The following MLLT10 variants were observed in gnomAD, a reference collection of about 807,000 sequenced individuals.
MLLT10 encodes MLLT10 histone lysine methyltransferase DOT1L cofactor.
In MLLT10, 30 loss-of-function variants were observed where a neutral mutation model predicts 129.1. The observed-to-expected ratio is 0.23, with a 90% CI of 0.17 to 0.32. MLLT10 has a LOEUF of 0.32. Among genes scored for constraint, MLLT10 ranks in the 10% least tolerant of loss-of-function variants. The probability of loss-of-function intolerance (pLI) is 1.00; values close to 1 mark genes in which losing one functional copy is unlikely to be tolerated. For synonymous variants in MLLT10, 490 were observed against 446.4 expected (o/e 1.10, Z -1.23); for missense variants, 1,119 against 1,268.3 (o/e 0.88, Z 1.79).
intron 8 of MLLT10, among the ~76,000 whole-genome samples, chr10:21,626,747 CTT>C (rs151070227): frequency 0.02 from 2,977 of 152,266 alleles, 53 homozygotes; most frequent in Admixed American, 0.055. Flanking sequence ...TTCTCTTTGT[CTT>C]TGTAAAAGTT....
intron 8 of MLLT10, among the ~76,000 whole-genome samples, chr10:21,651,055 T>C (rs2048979379): frequency 6.8e-6 from 1 of 147,188 alleles, no homozygotes; most frequent in South Asian, 2.2e-4. Flanking sequence ...TTGTTTTGTT[T>C]TGTTTTGTTT....
At chr10:21,702,262 A>G (rs1190694699) in intron 13 of MLLT10, among the ~76,000 whole-genome samples, 1 of 152,086 alleles carries the variant, frequency 6.6e-6, no homozygotes, top group East Asian at 1.9e-4. Flanking sequence ...TAGTTTCCTA[A>G]GTTCCTCTTT....
chr10:21,534,471 T>G lies in MLLT10; in HGVS notation c.-50T>G. ...GAGGTGGGGGGAATCAGCAAGGACATGGCTCCTGACTCCTGTGCGGAACGT... is the reference window on the plus strand; with the variant it reads ...GAGGTGGGGGGAATCAGCAAGGACAGGGCTCCTGACTCCTGTGCGGAACGT... On this transcript the variant is annotated 5_prime_UTR_variant, in exon 1 of 23. An upstream start codon of the reference 5' UTR is lost. Coordinates refer to ENST00000307729, the MANE Select transcript of MLLT10 (RefSeq NM_001195626.3). 1.8e-6 allele frequency: 1 copy of G among 556,492 alleles called. No homozygotes were observed. The highest frequency in any genetic ancestry group is 3.5e-5 in the East Asian group (1 of 28,684). The allele number at this position is 556,492 out of a possible 1,614,324, so 34.5% of individuals were successfully genotyped here.
intron 9 of MLLT10, among the ~76,000 whole-genome samples, chr10:21,655,533 A>T (rs570469454): frequency 3.9e-4 from 58 of 150,552 alleles, no homozygotes; most frequent in Non-Finnish European, 6.8e-4. Context: ...ATTTTTTTTT[A>T]AAAAGCCATT....
At chr10:21,551,697 G>A in intron 3 of MLLT10, 1 of 309,194 alleles carries the variant, frequency 3.2e-6, no homozygotes, top group Admixed American at 4.7e-5. Flanking sequence ...AAACATAGAT[G>A]TACTTTGATA....
intron 8 of MLLT10, chr10:21,624,451 A>C: frequency 3.9e-6 from 2 of 519,356 alleles, no homozygotes; most frequent in Non-Finnish European, 6.8e-6. Flanking sequence ...TATATACACA[A>C]TAGTGATTTC....
At chr10:21,573,065 T>G (rs1003083245) in intron 3 of MLLT10, among the ~76,000 whole-genome samples, 1 of 152,192 alleles carries the variant, frequency 6.6e-6, no homozygotes, top group African/African-American at 2.4e-5. Flanking sequence ...CTTACTTAAG[T>G]CATATTAATT....
chr10:21,584,716 A>T (rs1243252281), intron 3 of MLLT10, among the ~76,000 whole-genome samples: 1 of 151,402 alleles, frequency 6.6e-6, no homozygotes, highest in African/African-American at 2.4e-5. Flanking sequence ...ATGTAAGTGT[A>T]TATATATTTA....
In MLLT10 at chr10:21,695,762, C is replaced by T. The variant is rs188520581; in HGVS notation, c.1699+13505C>T. 9.8e-4 allele frequency among the ~76,000 whole-genome samples: 149 copies of T among 152,150 alleles called. No homozygotes were observed. The Middle Eastern group carries it at 0.01, about 10-fold the overall frequency. On this transcript the variant is annotated intron_variant, in intron 13 of 22. Coordinates refer to ENST00000307729, the MANE Select transcript of MLLT10 (RefSeq NM_001195626.3). ...TCAGAAAAGTTTGTGTTTGCTTCAC[C>T]ACCCTGTCCCTTCTTATGTTAATTT... is the stretch of plus-strand genomic sequence containing the variant.
intron 3 of MLLT10, among the ~76,000 whole-genome samples, chr10:21,563,506 G>A (rs2039127554): frequency 1.3e-5 from 2 of 152,094 alleles, no homozygotes; most frequent in African/African-American, 4.8e-5. Context: ...CTGGGCGACA[G>A]AGTGAGACTC....
chr10:21,599,587 C>T (rs765753759), intron 5 of MLLT10, among the ~76,000 whole-genome samples: 1 of 152,020 alleles, frequency 6.6e-6, no homozygotes, highest in African/African-American at 2.4e-5. Context: ...ATCAAAGTGA[C>T]CCTGTCTCAC....
At chr10:21,590,909 A>T (rs1765984441) in intron 4 of MLLT10, among the ~76,000 whole-genome samples, 1 of 151,630 alleles carries the variant, frequency 6.6e-6, no homozygotes, top group South Asian at 2.1e-4. Context: ...TATGTGTTAC[A>T]TTTTCCTCTT....
chr10:21,642,486 G>A (rs773665685), intron 8 of MLLT10, among the ~76,000 whole-genome samples: 1 of 151,960 alleles, frequency 6.6e-6, no homozygotes, highest in African/African-American at 2.4e-5. Context: ...GTGAAACCCC[G>A]TCTCTACTAA....
chr10:21,615,457 CAAAAAAAAAAAA>C (rs71393914), intron 7 of MLLT10, among the ~76,000 whole-genome samples: 944 of 75,584 alleles, frequency 0.012, 11 homozygotes, highest in Non-Finnish European at 0.014. Context: ...GACTCCGTCT[CAAAAAAAAAAAA>C]AAAAAGAAAA....
At chr10:21,725,904 C>A (rs1469284442) in intron 14 of MLLT10, among the ~76,000 whole-genome samples, 1 of 151,784 alleles carries the variant, frequency 6.6e-6, no homozygotes, top group Non-Finnish European at 1.5e-5. Context: ...GCGCCCGCCA[C>A]CATGCACGGC....
chr10:21,671,458 G>A (rs1339641302), intron 10 of MLLT10, among the ~76,000 whole-genome samples: 3 of 152,164 alleles, frequency 2.0e-5, no homozygotes, highest in Non-Finnish European at 1.5e-5. Context: ...CTTGGGCAAT[G>A]TGGTAAGACC....
chr10:21,571,963 T>C (rs1395189613), intron 3 of MLLT10: 1 of 152,242 alleles, frequency 6.6e-6, no homozygotes, highest in African/African-American at 2.4e-5. Flanking sequence ...TTATCAGTGT[T>C]TTCTTTTGTA....
intron 9 of MLLT10, among the ~76,000 whole-genome samples, chr10:21,669,525 T>A (rs1038696172): frequency 6.6e-6 from 1 of 152,190 alleles, no homozygotes; most frequent in Non-Finnish European, 1.5e-5. Flanking sequence ...TATTAACTTA[T>A]CCAACAAAAA....
At chr10:21,624,832 C>A in intron 8 of MLLT10, 1 of 1,083,038 alleles carries the variant, frequency 9.2e-7, no homozygotes, top group Non-Finnish European at 1.4e-6. Flanking sequence ...CGGCCACGGC[C>A]TCTCTGCTGT....
Sources: gnomAD v4.1 joint callset for allele counts (sites outside exome capture counted in the v4.1 genomes callset) on GRCh38, gnomAD v4.1.1 for gene constraint, MANE v1.5 for transcripts, NCBI Gene and HGNC (gene_info 2026-07-23, HGNC 2026-07-21) for gene names.